WDR83: variants seen among roughly 807,000 people sequenced by gnomAD.
WDR83 encodes the protein WD repeat domain 83.
Under a neutral mutation model 37.7 loss-of-function variants are expected in WDR83, and 37 were observed. The ratio of observed to expected loss-of-function variants is 0.98; its 90% CI spans 0.76 to 1.29. The LOEUF (loss-of-function observed/expected upper bound fraction) is 1.29. Among genes scored for constraint, WDR83 ranks in the 50% most tolerant of loss-of-function variants. The pLI, the probability that WDR83 is intolerant of heterozygous loss-of-function variation, is 0.00. For missense variants in WDR83, 445 were observed against 414.4 expected, an observed-to-expected ratio of 1.07 and a Z score of -0.64; for synonymous variants, 174 against 181.1, an observed-to-expected ratio of 0.96 and a Z score of 0.31.
chr19:12,670,853 G>T, intron 7 of WDR83, 32 bp downstream of exon 7: 1 of 1,598,668 alleles, frequency 6.3e-7, no homozygotes, highest in South Asian at 1.1e-5. Flanking sequence ...TCTCACCCCA[G>T]GTGCTACGGG....
At position 12,666,878 on chromosome 19, in the gene WDR83, A is replaced by G. The variant is rs1264878937; in HGVS notation, c.-271A>G. 4.8e-6 allele frequency: 3 copies of G among 621,592 alleles called. 1 individual carries two copies. The South Asian group carries it at 6.0e-5, about 12-fold the overall frequency. 38.5% of individuals were successfully genotyped at this position (621,592 alleles called of 1,614,324 possible). A position where few individuals can be genotyped will look rare whatever the true frequency, so the allele number is the denominator to read the frequency against. On this transcript the variant is annotated 5_prime_UTR_variant, in exon 1 of 11. Transcript: ENST00000418543. ...CGGGGGTCGTTACAGGAAGGTAGGA[A>G]AATGCCACCCTCAGGGCACTGGTTG...
chr19:12,669,542 C>A, intron 2 of WDR83: 1 of 1,101,634 alleles, frequency 9.1e-7, no homozygotes, highest in South Asian at 1.4e-5. Context: ...ACTCCCCTTA[C>A]CCAGAGAACG....
chr19:12,671,033 A>C, intron 7 of WDR83: 1 of 696,890 alleles, frequency 1.4e-6, no homozygotes, highest in East Asian at 3.5e-5. Flanking sequence ...TGTCTACAAA[A>C]TAATAATAAT....
Position 12,672,999 on chromosome 19 carries a change from TC to T in WDR83, c.575-4del, listed in dbSNP as rs1568314657. On this transcript the variant is annotated splice_region_variant and splice_polypyrimidine_tract_variant and intron_variant, in intron 8 of 10. Transcript: ENST00000418543. ...CCACCCTCACTCACCTACCCACCCT[TC>T]CCCCAAGGCCCCATCACCTGCACCT... 1 of 1,611,484 alleles carries T rather than the reference TC, an allele frequency of 6.2e-7. No homozygotes were observed. The highest frequency in any genetic ancestry group is 1.7e-5 in the Admixed American group (1 of 59,744).
Position 12,673,046 on chromosome 19 carries a change from T to C in WDR83, c.613T>C (p.Cys205Arg), listed in dbSNP as rs150648926. 1 of 1,613,688 alleles carries C rather than the reference T, an allele frequency of 6.2e-7. No individual in the cohort carries two copies. Among genetic ancestry groups the C allele is most frequent in the Admixed American group, 1.7e-5 (1 of 60,008 alleles). Residue 205 changes from cysteine to arginine, a missense_variant, in exon 9 of 11, where the codon TGC (cysteine) becomes CGC (arginine). Cys to Arg is a radical substitution (Grantham distance 180). Coordinates refer to ENST00000418543, the MANE Select transcript of WDR83 (RefSeq NM_001099737.3). ...CACCTGCTTCAGCCGGGATGGGCAGTGCACCCTGGTGTCCAGCCTGGACTC... is the reference window on the plus strand; with the variant it reads ...CACCTGCTTCAGCCGGGATGGGCAGCGCACCCTGGTGTCCAGCCTGGACTC... ...TCTCFSRDGQ[C>R]TLVSSLDSTL...
chr19:12,670,471 C>T, intron 5 of WDR83, 92 bp from the exon 6 acceptor site: 3 of 1,592,932 alleles, frequency 1.9e-6, no homozygotes, highest in South Asian at 1.1e-5. Flanking sequence ...TTTCACCTCC[C>T]CTTCGCCCTT....
At chr19:12,673,880 A>G (rs577150024) in intron 10 of WDR83, among the ~76,000 whole-genome samples, 2 of 152,028 alleles carry the variant, frequency 1.3e-5, no homozygotes, top group South Asian at 4.2e-4. Context: ...TTGTATTTTT[A>G]GTAGAGACAG....
At chr19:12,667,549 A>G (rs2024287957) in intron 1 of WDR83, among the ~76,000 whole-genome samples, 1 of 152,228 alleles carries the variant, frequency 6.6e-6, no homozygotes, top group African/African-American at 2.4e-5. Context: ...GCTACTTGGG[A>G]GACTGAGGCA....
intron 4 of WDR83, 34 bp downstream of exon 4, chr19:12,670,131 G>C: frequency 6.2e-7 from 1 of 1,606,878 alleles, no homozygotes; most frequent in Non-Finnish European, 8.5e-7. Flanking sequence ...TGGGAGCGCT[G>C]AGGCTGGGAT....
At chr19:12,675,441 T>G in intron 10 of WDR83, 82 bp from the exon 11 acceptor site, 12 of 1,538,204 alleles carry the variant, frequency 7.8e-6, no homozygotes, top group African/African-American at 2.7e-5. Context: ...CAGGCAGGAC[T>G]GAGATGGGGG....
intron 2 of WDR83, 149 bp downstream of exon 2, chr19:12,668,776 C>T: frequency 2.9e-6 from 2 of 678,248 alleles, no homozygotes; most frequent in Non-Finnish European, 5.2e-6. Flanking sequence ...TCATGGCATA[C>T]TCTAGATACG....
At chr19:12,669,238 G>C (rs2024338515) in intron 2 of WDR83, 2 of 1,613,700 alleles carry the variant, frequency 1.2e-6, no homozygotes. Flanking sequence ...TTGTACCTGC[G>C]ACAGGCTCGA....
At position 12,672,817 on chromosome 19, in the gene WDR83, G is replaced by C. The variant is rs373928974; in HGVS notation, c.507-30G>C. 22 of 1,558,788 alleles carry C rather than the reference G, an allele frequency of 1.4e-5. No homozygotes were observed. In the African/African-American group the frequency reaches 2.7e-4, roughly 19 times the overall value. On this transcript the variant is annotated intron_variant, in intron 7 of 10. Transcript: ENST00000418543. ...CCTGGAGCCATGTGAGTGTAGTCAA[G>C]GTTCCCGCTGGATCTACCCTCTCCT...
chr19:12,667,586 G>C (rs992230914), intron 1 of WDR83, among the ~76,000 whole-genome samples: 11 of 152,196 alleles, frequency 7.2e-5, no homozygotes, highest in African/African-American at 2.7e-4. Flanking sequence ...CTGGGAGGCG[G>C]AGGTTGCAGT....
intron 7 of WDR83, chr19:12,671,432 C>A (rs2024413310): frequency 6.5e-6 from 1 of 153,146 alleles, no homozygotes. Context: ...GCAGGCGGAT[C>A]ATGAGGTCAG....
chr19:12,671,553 G>A (rs892799138), intron 7 of WDR83, among the ~76,000 whole-genome samples: 2 of 151,958 alleles, frequency 1.3e-5, no homozygotes, highest in African/African-American at 4.8e-5. Context: ...TCAGGAGGCT[G>A]AGGCAGGAGA....
At position 12,668,520 on chromosome 19, in the gene WDR83, A is replaced by G. The variant is rs2024320664; in HGVS notation, c.-144A>G. 6.2e-7 allele frequency: 1 copy of G among 1,614,034 alleles called. No homozygotes were observed. Among genetic ancestry groups the G allele is most frequent in the African/African-American group, 1.3e-5 (1 of 74,926 alleles). ...ACTTGTTCTGTAGGGCAAGTCTCACATGAAGCTACTCATCATTTGCTTCGT... is the reference window on the plus strand; with the variant it reads ...ACTTGTTCTGTAGGGCAAGTCTCACGTGAAGCTACTCATCATTTGCTTCGT... On this transcript the variant is annotated 5_prime_UTR_variant, in exon 2 of 11. An upstream start codon of the reference 5' UTR is lost. Coordinates refer to ENST00000418543, the MANE Select transcript of WDR83 (RefSeq NM_001099737.3).
intron 10 of WDR83, 94 bp downstream of exon 10, chr19:12,673,410 CTTTTTTTTT>C (rs58676851): frequency 2.8e-5 from 7 of 248,010 alleles, no homozygotes; most frequent in African/African-American, 1.6e-4. Flanking sequence ...AGGCTAGGAT[CTTTTTTTTT>C]TTTTTTTTTT....
intron 7 of WDR83, chr19:12,671,327 CAA>C (rs906891595): frequency 2.9e-5 from 4 of 138,444 alleles, no homozygotes; most frequent in South Asian, 2.3e-4. Flanking sequence ...GACTCCATCT[CAA>C]AAAAAAAAAG....
Sources: gnomAD v4.1 joint callset for allele counts (sites outside exome capture counted in the v4.1 genomes callset) on GRCh38, gnomAD v4.1.1 for gene constraint, MANE v1.5 for transcripts, NCBI Gene and HGNC (gene_info 2026-07-23, HGNC 2026-07-21) for gene names.